The following KLF7 variants were observed in gnomAD, a reference collection of about 807,000 sequenced individuals.
KLF7 encodes the protein KLF transcription factor 7.
In KLF7, 2 loss-of-function variants were observed where a neutral mutation model predicts 27.3. That is an observed-to-expected ratio of 0.07 (90% CI 0.03 to 0.23). KLF7 has a LOEUF of 0.23. Among genes scored for constraint, KLF7 ranks in the 10% least tolerant of loss-of-function variants. The pLI is 1.00. For synonymous variants in KLF7, 165 were observed against 162.4 expected, an observed-to-expected ratio of 1.02 and a Z score of -0.12; for missense variants, 221 against 394.1, an observed-to-expected ratio of 0.56 and a Z score of 3.72.
chr2:207,129,381 A>G (rs532871850), intron 1 of KLF7, among the ~76,000 whole-genome samples: 64 of 152,250 alleles, frequency 4.2e-4, no homozygotes, highest in Middle Eastern at 3.4e-3. Flanking sequence ...TCAACCCCCA[A>G]CCCCTAAAAA....
intron 1 of KLF7, chr2:207,134,153 G>GCTTTTTT: frequency 7.7e-7 from 1 of 1,297,548 alleles, no homozygotes; most frequent in South Asian, 1.6e-5. Context: ...GGGCTACTGG[G>GCTTTTTT]ATTTTTTTTT....
At chr2:207,090,564 T>A (rs2076488261) in intron 2 of KLF7, among the ~76,000 whole-genome samples, 1 of 152,214 alleles carries the variant, frequency 6.6e-6, no homozygotes, top group South Asian at 2.1e-4. Flanking sequence ...CTGCCTGTGT[T>A]CACAGAGGTT....
At chr2:207,150,683 GTT>G (rs1470343238) in intron 1 of KLF7, among the ~76,000 whole-genome samples, 1 of 152,046 alleles carries the variant, frequency 6.6e-6, no homozygotes, top group Admixed American at 6.6e-5. Context: ...TAAATTCCAG[GTT>G]TTCTGATGCC....
intron 2 of KLF7, among the ~76,000 whole-genome samples, chr2:207,107,774 C>A (rs1574465597): frequency 6.6e-6 from 1 of 152,214 alleles, no homozygotes; most frequent in East Asian, 1.9e-4. Flanking sequence ...GTTCTCTCTG[C>A]AGCAGAACAC....
Position 207,080,509 on chromosome 2 carries a change from A to T in KLF7, c.*704T>A, listed in dbSNP as rs2105842352. The T allele has an allele frequency of 4.2e-6, 1 of 239,128 alleles. No homozygotes were observed. Among genetic ancestry groups the T allele is most frequent in the Admixed American group, 5.6e-5 (1 of 17,850 alleles). 14.8% of individuals were successfully genotyped at this position (239,128 alleles called of 1,614,324 possible). On this transcript the variant is annotated 3_prime_UTR_variant, in exon 4 of 4. Transcript: ENST00000309446. ...GAAGTCTACAGAAATGCAGGCCAGA[A>T]AGGTGTAAGGTGTTATTCCAGTCTG...
At chr2:207,107,962 T>A (rs771004812) in intron 2 of KLF7, among the ~76,000 whole-genome samples, 111 of 152,372 alleles carry the variant, frequency 7.3e-4, no homozygotes, top group Non-Finnish European at 1.5e-3. Context: ...GCTGTTCAGT[T>A]AATTTTAATT....
intron 2 of KLF7, among the ~76,000 whole-genome samples, chr2:207,089,731 A>G (rs969851502): frequency 7.2e-5 from 11 of 152,190 alleles, no homozygotes; most frequent in African/African-American, 2.4e-4. Context: ...AGAGATAATA[A>G]TAATAGGTAC....
chr2:207,106,179 AC>A (rs1285067682), intron 2 of KLF7, among the ~76,000 whole-genome samples: 11 of 152,200 alleles, frequency 7.2e-5, no homozygotes, highest in African/African-American at 2.7e-4. Flanking sequence ...AAGAATTTGT[AC>A]TTTAAGAACA....
chr2:207,121,329 C>A (rs933707289), intron 2 of KLF7, among the ~76,000 whole-genome samples: 1 of 152,216 alleles, frequency 6.6e-6, no homozygotes, highest in African/African-American at 2.4e-5. Context: ...TTTTATCACT[C>A]AGTCATCACT....
chr2:207,166,826 A>T, upstream of KLF7: 3 of 1,017,576 alleles, frequency 2.9e-6, no homozygotes, highest in Non-Finnish European at 3.5e-6. Flanking sequence ...GGTGCAGAGA[A>T]GAAGCGCCTG....
chr2:207,090,625 A>G (rs1357933624), intron 2 of KLF7, among the ~76,000 whole-genome samples: 2 of 151,346 alleles, frequency 1.3e-5, no homozygotes, highest in Non-Finnish European at 3.0e-5. Context: ...TTCAGAGCTC[A>G]TGGCTCCAGA....
At chr2:207,100,542 AC>A (rs1453977847) in intron 2 of KLF7, among the ~76,000 whole-genome samples, 1 of 151,954 alleles carries the variant, frequency 6.6e-6, no homozygotes, top group African/African-American at 2.4e-5. Context: ...CTACCTTATC[AC>A]CCATCACTTC....
chr2:207,110,347 C>T (rs968536263), intron 2 of KLF7, among the ~76,000 whole-genome samples: 1 of 152,156 alleles, frequency 6.6e-6, no homozygotes, highest in South Asian at 2.1e-4. Context: ...TTTTATTTTC[C>T]CACGGAAAGC....
At chr2:207,114,482 A>T (rs1018983031) in intron 2 of KLF7, among the ~76,000 whole-genome samples, 3 of 152,202 alleles carry the variant, frequency 2.0e-5, no homozygotes, top group African/African-American at 7.2e-5. Context: ...AACCTTTTAA[A>T]CAGGACTACT....
At chr2:207,155,247 A>G (rs2078350440) in intron 1 of KLF7, among the ~76,000 whole-genome samples, 1 of 152,244 alleles carries the variant, frequency 6.6e-6, no homozygotes. Context: ...GATCATCTTT[A>G]GGAAGTGTCT....
chr2:207,133,220 G>A (rs73983190), intron 1 of KLF7, among the ~76,000 whole-genome samples: 6,054 of 152,258 alleles, frequency 0.04, 405 homozygotes, highest in African/African-American at 0.14. Flanking sequence ...GTTACATACA[G>A]ATTGAAAGCA....
rs1170431676 is a variant in KLF7 at position 207,081,049 on chromosome 2, G to A, written c.*164C>T. The A allele has an allele frequency of 3.0e-6, 2 of 661,966 alleles. No individual in the cohort carries two copies. Among genetic ancestry groups the A allele is most frequent in the Non-Finnish European group, 5.4e-6 (2 of 369,604 alleles). 41.0% of individuals were successfully genotyped at this position (661,966 alleles called of 1,614,324 possible). On this transcript the variant is annotated 3_prime_UTR_variant, in exon 4 of 4. Transcript: ENST00000309446. The stretch of plus-strand genomic sequence containing the variant: ...ACAGTGTGTATGTGTGTGGGTCTGT[G>A]AGTGTGTGTATATGTGTGTGTGTGT...
chr2:207,171,531 T>C (rs998125587), upstream of KLF7, among the ~76,000 whole-genome samples: 2 of 152,210 alleles, frequency 1.3e-5, no homozygotes, highest in Non-Finnish European at 2.9e-5. Flanking sequence ...AGCATCAGTG[T>C]GACCAAATTT....
At chr2:207,134,163 T>TTTTTTTTC in intron 1 of KLF7, 1 of 1,478,986 alleles carries the variant, frequency 6.8e-7, no homozygotes, top group Non-Finnish European at 8.9e-7. Context: ...GATTTTTTTT[T>TTTTTTTTC]TTTTTTTTTT....
Sources: gnomAD v4.1 joint callset for allele counts (sites outside exome capture counted in the v4.1 genomes callset) on GRCh38, gnomAD v4.1.1 for gene constraint, MANE v1.5 for transcripts, NCBI Gene and HGNC (gene_info 2026-07-23, HGNC 2026-07-21) for gene names.